DGKI: variants seen among roughly 807,000 people sequenced by gnomAD.
The protein encoded by DGKI is DAG kinase iota.
Under a neutral mutation model 147.5 loss-of-function variants are expected in DGKI, and 55 were observed. The observed-to-expected ratio is 0.37, with a 90% CI of 0.30 to 0.47. The LOEUF is 0.47. Ranked by LOEUF, DGKI falls within the 20% of genes least tolerant of loss-of-function variation. The pLI is 1.00. For synonymous variants in DGKI, 469 were observed against 477.1 expected (o/e 0.98, Z 0.22); for missense variants, 1,007 against 1,323.8 (o/e 0.76, Z 3.71).
At chr7:137,402,725 A>G (rs1562996744) in intron 30 of DGKI, among the ~76,000 whole-genome samples, 2 of 152,068 alleles carry the variant, frequency 1.3e-5, no homozygotes, top group Non-Finnish European at 2.9e-5. Flanking sequence ...GACCATTCCA[A>G]ATCCTCCCCT....
In DGKI at chr7:137,764,049, C is replaced by T. The variant is rs534961272; in HGVS notation, c.402-74047G>A. On this transcript the variant is annotated intron_variant, in intron 1 of 32. Transcript: ENST00000614521. ...CCTAAAAGTGTCAAGTGATGGCTCC[C>T]ACATGGACTTTGATCAGACACTATC... Among the ~76,000 whole-genome samples the T allele has an allele frequency of 2.0e-5, 3 of 152,332 alleles. No homozygotes were observed. In the East Asian group the frequency reaches 5.8e-4, roughly 29 times the overall value.
intron 29 of DGKI, 114 bp downstream of exon 29, chr7:137,412,056 C>A: frequency 3.0e-6 from 3 of 1,005,588 alleles, no homozygotes; most frequent in East Asian, 2.5e-5. Flanking sequence ...TCTACCCAGC[C>A]AGTGCAAGCA....
chr7:137,525,612 G>C (rs920157532), intron 20 of DGKI, among the ~76,000 whole-genome samples: 1 of 152,056 alleles, frequency 6.6e-6, no homozygotes, highest in Non-Finnish European at 1.5e-5. Flanking sequence ...TTTCCTCATA[G>C]GTAAAGTGGA....
intron 20 of DGKI, among the ~76,000 whole-genome samples, chr7:137,533,801 T>C (rs1039582989): frequency 1.3e-5 from 2 of 152,142 alleles, no homozygotes; most frequent in African/African-American, 4.8e-5. Context: ...CATTTTATTT[T>C]ATTTATCTTT....
At chr7:137,774,668 A>C (rs1028112519) in intron 1 of DGKI, 1 of 152,204 alleles carries the variant, frequency 6.6e-6, no homozygotes, top group Non-Finnish European at 1.5e-5. Flanking sequence ...TCGAGTGCTC[A>C]GGAAGCCTCC....
At chr7:137,534,516 T>C (rs908438970) in intron 20 of DGKI, among the ~76,000 whole-genome samples, 1 of 152,036 alleles carries the variant, frequency 6.6e-6, no homozygotes, top group African/African-American at 2.4e-5. Flanking sequence ...AAAGTACATA[T>C]TGTTCAACCA....
intron 1 of DGKI, chr7:137,771,843 C>T (rs764797883): frequency 1.3e-5 from 2 of 152,100 alleles, no homozygotes; most frequent in Non-Finnish European, 2.9e-5. Flanking sequence ...GTCTCCAACT[C>T]GAACTGGGAA....
intron 15 of DGKI, among the ~76,000 whole-genome samples, chr7:137,581,135 T>G (rs995438141): frequency 6.6e-6 from 1 of 152,144 alleles, no homozygotes; most frequent in African/African-American, 2.4e-5. Context: ...CTAAATGGCA[T>G]GAGAAAATGT....
Position 137,397,477 on chromosome 7 carries a change from A to G in DGKI, c.2921-64T>C, listed in dbSNP as rs1811595421. 4 of 1,514,634 alleles carry G rather than the reference A, an allele frequency of 2.6e-6. No individual in the cohort carries two copies. In the South Asian group the frequency reaches 3.5e-5, roughly 13 times the overall value. The allele number at this position is 1,514,634 out of a possible 1,614,324, so 93.8% of individuals were successfully genotyped here. ...CTCAAAAACTAAACATTAACAGAAA[A>G]TCTATAGTCACAGAATTAAAATGCC... On this transcript the variant is annotated intron_variant, in intron 30 of 32. Coordinates refer to ENST00000614521, the MANE Select transcript of DGKI (RefSeq NM_001321708.2).
intron 1 of DGKI, among the ~76,000 whole-genome samples, chr7:137,701,132 C>T (rs2116511456): frequency 6.6e-6 from 1 of 151,862 alleles, no homozygotes; most frequent in East Asian, 1.9e-4. Context: ...TCTAATACTT[C>T]ACATGTATCC....
chr7:137,724,080 G>A (rs1180007550), intron 1 of DGKI, among the ~76,000 whole-genome samples: 2 of 152,272 alleles, frequency 1.3e-5, no homozygotes, highest in East Asian at 3.9e-4. Flanking sequence ...GAGAGAGAGA[G>A]AGAGACAGTC....
intron 21 of DGKI, among the ~76,000 whole-genome samples, chr7:137,498,715 A>C (rs1816059948): frequency 6.6e-6 from 1 of 152,204 alleles, no homozygotes; most frequent in African/African-American, 2.4e-5. Context: ...ATGATCTGTC[A>C]AGAAGCTACT....
chr7:137,777,725 T>C (rs898738615), intron 1 of DGKI, among the ~76,000 whole-genome samples: 43 of 152,340 alleles, frequency 2.8e-4, no homozygotes, highest in Middle Eastern at 3.4e-3. Flanking sequence ...TATACATAGA[T>C]TTTTAAGTCT....
In DGKI at chr7:137,788,653, CACACACACACAT is replaced by C. The variant is rs1325270500; in HGVS notation, c.401+57797_401+57808del. On this transcript the variant is annotated intron_variant, in intron 1 of 32. Transcript: ENST00000614521. ...CCATAAATACACACACACACACACA[CACACACACACAT>C]ACACACACACACACACCTCCATCCC... Among the ~76,000 whole-genome samples the C allele has an allele frequency of 4.2e-3, 263 of 62,942 alleles. 2 individuals carry two copies. Among genetic ancestry groups the C allele is most frequent in the African/African-American group, 0.021 (244 of 11,370 alleles). The allele number at this position is 62,942 out of a possible 152,430, so 41.3% of individuals were successfully genotyped here.
chr7:137,491,042 G>C (rs1270418617), intron 21 of DGKI, among the ~76,000 whole-genome samples: 1 of 152,138 alleles, frequency 6.6e-6, no homozygotes, highest in African/African-American at 2.4e-5. Flanking sequence ...AATAACAGAT[G>C]AAGTAGATGA....
At chr7:137,548,834 A>G (rs986130194) in intron 20 of DGKI, among the ~76,000 whole-genome samples, 2 of 151,968 alleles carry the variant, frequency 1.3e-5, no homozygotes, top group Non-Finnish European at 2.9e-5. Context: ...GGTAGCGCAC[A>G]CCTGTTGTCC....
At chr7:137,752,962 C>T (rs1440166138) in intron 1 of DGKI, among the ~76,000 whole-genome samples, 1 of 152,102 alleles carries the variant, frequency 6.6e-6, no homozygotes, top group East Asian at 1.9e-4. Context: ...TTCATCCAAA[C>T]CCTACTCATC....
At chr7:137,824,769 T>A (rs1051182058) in intron 1 of DGKI, among the ~76,000 whole-genome samples, 1 of 152,176 alleles carries the variant, frequency 6.6e-6, no homozygotes, top group Admixed American at 6.5e-5. Context: ...TCCATGTGTT[T>A]TCATCATTTA....
intron 1 of DGKI, among the ~76,000 whole-genome samples, chr7:137,758,785 T>A (rs553438291): frequency 6.6e-6 from 1 of 152,136 alleles, no homozygotes; most frequent in African/African-American, 2.4e-5. Flanking sequence ...ACAGTGCTGG[T>A]GCTTTTTTGG....
Sources: allele counts gnomAD v4.1 joint callset (sites outside exome capture counted in the v4.1 genomes callset), GRCh38; gene constraint gnomAD v4.1.1; transcripts MANE v1.5; gene names NCBI Gene and HGNC (gene_info 2026-07-23, HGNC 2026-07-21).